The following EML1 variants were observed in gnomAD, a reference collection of about 807,000 sequenced individuals.
EML1 encodes echinoderm microtubule-associated protein-like 1.
A neutral mutation model predicts 110.4 loss-of-function variants in EML1; 27 were observed. That is an observed-to-expected ratio of 0.24 (90% confidence interval 0.18 to 0.34). The LOEUF (loss-of-function observed/expected upper bound fraction) is 0.34. Among genes scored for constraint, EML1 ranks in the 10% least tolerant of loss-of-function variants. The probability of loss-of-function intolerance (pLI) is 1.00; values close to 1 mark genes in which losing one functional copy is unlikely to be tolerated. For synonymous variants in EML1, 344 were observed against 385.8 expected, an observed-to-expected ratio of 0.89 and a Z score of 1.27; for missense variants, 741 against 1,030.9, an observed-to-expected ratio of 0.72 and a Z score of 3.85.
intron 1 of EML1, among the ~76,000 whole-genome samples, chr14:99,741,058 A>G (rs965125423): frequency 2.6e-5 from 4 of 152,202 alleles, no homozygotes; most frequent in Non-Finnish European, 5.9e-5. Context: ...CAGCAGAGCA[A>G]TGAATGCAGG....
chr14:99,829,142 T>A (rs941060549), intron 1 of EML1, among the ~76,000 whole-genome samples: 2 of 152,232 alleles, frequency 1.3e-5, no homozygotes, highest in Non-Finnish European at 2.9e-5. Flanking sequence ...CTGTACAGAC[T>A]GGGCCCTTCT....
intron 1 of EML1, among the ~76,000 whole-genome samples, chr14:99,823,265 G>T (rs2058294718): frequency 6.6e-6 from 1 of 151,972 alleles, no homozygotes; most frequent in African/African-American, 2.4e-5. Context: ...TTCTGCTTGT[G>T]CTAGTTCCCG....
intron 1 of EML1, among the ~76,000 whole-genome samples, chr14:99,795,600 A>G (rs910625227): frequency 1.3e-5 from 2 of 152,264 alleles, no homozygotes; most frequent in African/African-American, 4.8e-5. Flanking sequence ...AAGTGAAGAT[A>G]TAAATGAATA....
At chr14:99,825,032 G>A (rs552467111) in intron 1 of EML1, among the ~76,000 whole-genome samples, 3 of 152,238 alleles carry the variant, frequency 2.0e-5, no homozygotes, top group East Asian at 3.9e-4. Flanking sequence ...CTCCCAGGCT[G>A]GAGTGCAGTG....
chr14:99,750,775 T>C (rs2057166361), intron 1 of EML1, among the ~76,000 whole-genome samples: 1 of 152,060 alleles, frequency 6.6e-6, no homozygotes, highest in African/African-American at 2.4e-5. Flanking sequence ...AGCTTGATTT[T>C]GTTCATAGTC....
intron 17 of EML1, among the ~76,000 whole-genome samples, chr14:99,923,569 A>G: frequency 6.6e-6 from 1 of 152,270 alleles, no homozygotes; most frequent in African/African-American, 2.4e-5. Flanking sequence ...CTGTTGAATT[A>G]TCAATGACAC....
upstream of EML1, among the ~76,000 whole-genome samples, chr14:99,769,485 G>A (rs1470864542): frequency 6.6e-6 from 1 of 152,180 alleles, no homozygotes; most frequent in Non-Finnish European, 1.5e-5. Context: ...AGGGACGCAA[G>A]CTCCTCTCCA....
intron 1 of EML1, among the ~76,000 whole-genome samples, chr14:99,764,288 A>C (rs893826384): frequency 1.3e-5 from 2 of 152,224 alleles, no homozygotes; most frequent in Non-Finnish European, 2.9e-5. Context: ...TCCTTCTCGC[A>C]GCAGCCCTGC....
At chr14:99,897,735 G>C (rs1243539423) in intron 7 of EML1, among the ~76,000 whole-genome samples, 1 of 152,150 alleles carries the variant, frequency 6.6e-6, no homozygotes, top group Non-Finnish European at 1.5e-5. Flanking sequence ...ACATAAAAAT[G>C]TGTTGCCTCA....
chr14:99,913,613 A>T (rs932802543), intron 13 of EML1, among the ~76,000 whole-genome samples: 1 of 152,164 alleles, frequency 6.6e-6, no homozygotes, highest in Non-Finnish European at 1.5e-5. Flanking sequence ...ATTCTTGCTG[A>T]TGCTTCTAAG....
At chr14:99,779,063 T>C (rs2057512766) in intron 1 of EML1, among the ~76,000 whole-genome samples, 1 of 152,242 alleles carries the variant, frequency 6.6e-6, no homozygotes, top group Non-Finnish European at 1.5e-5. Flanking sequence ...TAGAAATTCA[T>C]GTGTCATGTT....
chr14:99,787,432 C>T (rs1235831779), intron 1 of EML1, among the ~76,000 whole-genome samples: 1 of 151,938 alleles, frequency 6.6e-6, no homozygotes, highest in Non-Finnish European at 1.5e-5. Context: ...CCACCTGCCA[C>T]CATGCCTGTC....
chr14:99,892,037 TG>T, intron 5 of EML1: 2 of 581,554 alleles, frequency 3.4e-6, no homozygotes, highest in Non-Finnish European at 4.3e-6. Flanking sequence ...ATTTTAAGAC[TG>T]GGGGGCAGGT....
chr14:99,825,312 T>C (rs115614866), intron 1 of EML1, among the ~76,000 whole-genome samples: 1,570 of 152,320 alleles, frequency 0.01, 30 homozygotes, highest in African/African-American at 0.033. Context: ...CAGTCCTTCA[T>C]TGATGGACAC....
chr14:99,788,269 A>AAT (rs1261858927), intron 1 of EML1, among the ~76,000 whole-genome samples: 1 of 152,152 alleles, frequency 6.6e-6, no homozygotes, highest in Non-Finnish European at 1.5e-5. Flanking sequence ...TATATGTCCA[A>AAT]ATGTCTCTTA....
Position 99,920,847 on chromosome 14 carries a change from G to C in EML1, c.1879G>C (p.Glu627Gln), listed in dbSNP as rs753712572. ...GGTCACCGTTCACACAGATGGAAAC[G>C]AACAGCTCTCTGTAATGCGATACTC... ...DLVTVHTDGN[E>Q]QLSVMRYSPD... Residue 627 changes from glutamate (E) to glutamine (Q), a missense_variant, in exon 17 of 22, where the codon GAA becomes CAA. Around this residue, in one of 4 missense-constraint regions of EML1, gnomAD observed 388 missense variants for 605.6 expected, o/e 0.64. Coordinates refer to ENST00000262233, the MANE Select transcript of EML1 (RefSeq NM_004434.3). 3 of 1,613,658 alleles carry C rather than the reference G, an allele frequency of 1.9e-6. No individual in the cohort carries two copies. The highest frequency in any genetic ancestry group is 2.5e-6 in the Non-Finnish European group (3 of 1,179,934).
chr14:99,798,416 A>G (rs2057815393), intron 1 of EML1, among the ~76,000 whole-genome samples: 2 of 144,852 alleles, frequency 1.4e-5, no homozygotes, highest in Admixed American at 6.9e-5. Context: ...TTTTCGAGAC[A>G]GAGTCTCACT....
intron 3 of EML1, chr14:99,875,080 G>A (rs2059267652): frequency 8.4e-7 from 1 of 1,195,514 alleles, no homozygotes; most frequent in South Asian, 1.4e-5. Context: ...GTCTTGTCCA[G>A]TGCCTACCAT....
rs914062144 is a variant in EML1 at position 99,885,543 on chromosome 14, G to A, written c.519-5656G>A. On this transcript the variant is annotated intron_variant, in intron 4 of 21. Coordinates refer to ENST00000262233, the MANE Select transcript of EML1 (RefSeq NM_004434.3). ...CAGCCATTCAAGAACTATGTAAACA[G>A]CACCACCTATGGGTAGACAATTTTA... Among the ~76,000 whole-genome samples the A allele has an allele frequency of 2.6e-5, 4 of 152,176 alleles. No individual in the cohort carries two copies. In the East Asian group the frequency reaches 7.7e-4, roughly 29 times the overall value.
Sources: allele counts gnomAD v4.1 joint callset (sites outside exome capture counted in the v4.1 genomes callset), GRCh38; gene constraint gnomAD v4.1.1; regional missense constraint gnomAD v4.1.1; transcripts MANE v1.5; gene names NCBI Gene and HGNC (gene_info 2026-07-23, HGNC 2026-07-21).